ADGRB3: variants seen among roughly 807,000 people sequenced by gnomAD.
ADGRB3 encodes the protein brain-specific angiogenesis inhibitor 3.
ADGRB3 carries 37 observed loss-of-function variants against 193.4 expected under a neutral mutation model. That is an observed-to-expected ratio of 0.19 (90% CI 0.15 to 0.25). The LOEUF is 0.25. ADGRB3 is among the 10% of genes least tolerant of loss of function. The pLI, the probability that ADGRB3 is intolerant of heterozygous loss-of-function variation, is 1.00. For missense variants in ADGRB3, 1,637 were observed against 1,852.9 expected (o/e 0.88, Z 2.14); for synonymous variants, 690 against 644.2 (o/e 1.07, Z -1.08).
intron 3 of ADGRB3, among the ~76,000 whole-genome samples, chr6:68,692,834 G>A (rs1765098056): frequency 6.6e-6 from 1 of 150,978 alleles, no homozygotes; most frequent in Non-Finnish European, 1.5e-5. Context: ...TAGAGAGGCA[G>A]ATATAGATAT....
chr6:69,047,159 A>G (rs1771261727), intron 13 of ADGRB3, among the ~76,000 whole-genome samples: 1 of 152,130 alleles, frequency 6.6e-6, no homozygotes, highest in Admixed American at 6.5e-5. Context: ...GCACCCAGCC[A>G]ATGAATTTTT....
chr6:69,130,439 C>A (rs781442450), intron 17 of ADGRB3, among the ~76,000 whole-genome samples: 3 of 151,006 alleles, frequency 2.0e-5, no homozygotes, highest in Non-Finnish European at 4.4e-5. Flanking sequence ...ATTTGTCAGC[C>A]CCCATGCAAT....
At chr6:69,085,279 G>A (rs1772514176) in intron 17 of ADGRB3, among the ~76,000 whole-genome samples, 2 of 152,004 alleles carry the variant, frequency 1.3e-5, no homozygotes, top group South Asian at 4.1e-4. Context: ...AGCAAAACTT[G>A]GAATTCATCC....
At chr6:69,382,988 T>C (rs1056899974) in intron 31 of ADGRB3, 53 bp downstream of exon 31, 5 of 1,262,354 alleles carry the variant, frequency 4.0e-6, no homozygotes, top group Non-Finnish European at 4.5e-6. Flanking sequence ...TGTCAGATAT[T>C]ATTCCTGCCT....
intron 17 of ADGRB3, among the ~76,000 whole-genome samples, chr6:69,191,739 A>G (rs1410377662): frequency 6.6e-6 from 1 of 152,162 alleles, no homozygotes; most frequent in African/African-American, 2.4e-5. Context: ...TACAGCTGTA[A>G]ATAAGCAAGA....
At chr6:68,981,855 T>G (rs1290583752) in intron 10 of ADGRB3, among the ~76,000 whole-genome samples, 2 of 135,806 alleles carry the variant, frequency 1.5e-5, no homozygotes, top group Admixed American at 1.5e-4. Context: ...GTTATTTATT[T>G]ATTTATTTAT....
chr6:69,282,843 T>G (rs1241327853), intron 20 of ADGRB3, among the ~76,000 whole-genome samples: 1 of 152,174 alleles, frequency 6.6e-6, no homozygotes, highest in East Asian at 1.9e-4. Context: ...TAGCTTAAAA[T>G]ATAGAAAGAC....
rs555478763 is a variant in ADGRB3, at chr6:68,797,714, A to G, written c.758-132845A>G. On this transcript the variant is annotated intron_variant, in intron 3 of 31. Transcript: ENST00000370598. ...CCAAATGCTTCTTTTTTCTTTGGCT[A>G]TGTAGAGACAAAAAGAGACAAGACG... is the stretch of plus-strand genomic sequence containing the variant. 5.9e-5 allele frequency among the ~76,000 whole-genome samples: 9 copies of G among 152,270 alleles called. 1 individual carries two copies. In the South Asian group the frequency reaches 6.2e-4, roughly 11 times the overall value.
chr6:68,648,775 T>G (rs1768277978), intron 3 of ADGRB3, among the ~76,000 whole-genome samples: 1 of 149,564 alleles, frequency 6.7e-6, no homozygotes, highest in Admixed American at 6.7e-5. Context: ...TTTAAGGTGA[T>G]TTTTAAAATT....
At chr6:69,165,965 G>C (rs1224836619) in intron 17 of ADGRB3, among the ~76,000 whole-genome samples, 1 of 152,054 alleles carries the variant, frequency 6.6e-6, no homozygotes, top group Non-Finnish European at 1.5e-5. Context: ...TTGAAATGCA[G>C]TATTATAATA....
intron 17 of ADGRB3, among the ~76,000 whole-genome samples, chr6:69,212,496 A>AT (rs1313878465): frequency 1.4e-5 from 2 of 148,132 alleles, no homozygotes; most frequent in East Asian, 1.9e-4. Context: ...TATTCATTGT[A>AT]TTTTTTCCAT....
intron 17 of ADGRB3, among the ~76,000 whole-genome samples, chr6:69,210,897 C>T (rs535288334): frequency 2.0e-5 from 3 of 151,898 alleles, no homozygotes; most frequent in East Asian, 1.9e-4. Flanking sequence ...TGGCGGATCA[C>T]GAGGTCAGGA....
At chr6:68,650,449 C>T (rs1049461766) in intron 3 of ADGRB3, among the ~76,000 whole-genome samples, 9 of 151,974 alleles carry the variant, frequency 5.9e-5, no homozygotes, top group Non-Finnish European at 1.2e-4. Flanking sequence ...AACATTTGCA[C>T]TGCCCTAGAT....
At chr6:69,372,213 T>C (rs975635654) in intron 29 of ADGRB3, among the ~76,000 whole-genome samples, 193 bp from the exon 30 acceptor site, 2 of 151,980 alleles carry the variant, frequency 1.3e-5, no homozygotes, top group East Asian at 3.9e-4. Flanking sequence ...AAATAGAAAA[T>C]TGTGAATGGA....
At chr6:68,917,102 C>T (rs974741525) in intron 3 of ADGRB3, among the ~76,000 whole-genome samples, 1 of 152,092 alleles carries the variant, frequency 6.6e-6, no homozygotes, top group Non-Finnish European at 1.5e-5. Context: ...GAGGCATCAG[C>T]TCTACCACTG....
intron 3 of ADGRB3, among the ~76,000 whole-genome samples, chr6:68,839,126 A>G (rs747815230): frequency 4.6e-5 from 7 of 151,478 alleles, no homozygotes; most frequent in Non-Finnish European, 8.8e-5. Flanking sequence ...ACATACACAC[A>G]TTAGACCTTC....
chr6:69,034,767 A>G (rs905969777), intron 13 of ADGRB3, among the ~76,000 whole-genome samples: 3 of 151,738 alleles, frequency 2.0e-5, no homozygotes, highest in Non-Finnish European at 4.4e-5. Context: ...AGGAGTCAAA[A>G]CCATCACTCA....
At chr6:68,729,473 C>G (rs1389171836) in intron 3 of ADGRB3, among the ~76,000 whole-genome samples, 1 of 151,590 alleles carries the variant, frequency 6.6e-6, no homozygotes, top group Non-Finnish European at 1.5e-5. Flanking sequence ...GCTGTAAAGT[C>G]AGAGCATGAC....
At chr6:68,905,443 AC>A (rs1431129308) in intron 3 of ADGRB3, among the ~76,000 whole-genome samples, 2 of 152,212 alleles carry the variant, frequency 1.3e-5, no homozygotes, top group Non-Finnish European at 2.9e-5. Context: ...TTGAGAAAAA[AC>A]ACTTCCTTTA....
Sources: allele counts gnomAD v4.1 joint callset (sites outside exome capture counted in the v4.1 genomes callset), GRCh38; gene constraint gnomAD v4.1.1; transcripts MANE v1.5; gene names NCBI Gene and HGNC (gene_info 2026-07-23, HGNC 2026-07-21).